The following AADACL3 variants were observed in gnomAD, a reference collection of about 807,000 sequenced individuals.
AADACL3 encodes arylacetamide deacetylase like 3.
In AADACL3, 13 loss-of-function variants were observed where a neutral mutation model predicts 13.6. That is an observed-to-expected ratio of 0.95 (90% CI 0.62 to 1.52). The LOEUF (loss-of-function observed/expected upper bound fraction) is 1.52. Ranked by LOEUF, AADACL3 falls within the 40% of genes most tolerant of loss-of-function variation. AADACL3 has a pLI of 0.00. For missense variants in AADACL3, 519 were observed against 499.2 expected, an observed-to-expected ratio of 1.04 and a Z score of -0.38; for synonymous variants, 195 against 197.0, an observed-to-expected ratio of 0.99 and a Z score of 0.08.
At chr1:12,723,482 A>AT (rs929209188) in intron 3 of AADACL3, among the ~76,000 whole-genome samples, 17 of 151,968 alleles carry the variant, frequency 1.1e-4, no homozygotes, top group African/African-American at 4.1e-4. Context: ...AACTTTATGC[A>AT]TTTTTTTGTT....
In AADACL3 at chr1:12,725,846, A is replaced by C. The variant is rs752797464; in HGVS notation, c.1074A>C (p.Lys358Asn). The change falls in exon 4 of 4, where the codon AAA (lysine) becomes AAC (asparagine). Residue 358 changes from lysine (K) to asparagine (N), a missense_variant. By Grantham distance (94) the Lys-to-Asn change is moderately conservative. Coordinates refer to ENST00000359318, the MANE Select transcript of AADACL3 (RefSeq NM_001103170.3). The stretch of plus-strand genomic sequence containing the variant: ...GGGACAATTCACTGTTGTACAAGAA[A>C]AGGCTGGAAGACCTGGGAGTGCCCG... ...ALRDNSLLYK[K>N]RLEDLGVPVT... The C allele has an allele frequency of 1.2e-6, 2 of 1,614,178 alleles. No homozygotes were observed. The highest frequency in any genetic ancestry group is 1.7e-6 in the Non-Finnish European group (2 of 1,180,022).
chr1:12,725,429 C>T lies in AADACL3; in HGVS notation c.657C>T (p.Ile219=), dbSNP rs776658795. The stretch of plus-strand genomic sequence containing the variant: ...ATCTGCCCCGGATCCGGGCTCAGAT[C>T]CTGATCTATGCCATTCTCCAAGCCC... ...RPDLPRIRAQ[I]LIYAILQALD... is the part of the protein sequence containing the mutation. Residue 219 remains isoleucine, a synonymous_variant, in exon 4 of 4, where the codon ATC becomes ATT. Coordinates refer to ENST00000359318, the MANE Select transcript of AADACL3 (RefSeq NM_001103170.3). 69 of 1,613,868 alleles carry T rather than the reference C, an allele frequency of 4.3e-5. No individual in the cohort carries two copies. The highest frequency in any genetic ancestry group is 5.8e-5 in the Non-Finnish European group (69 of 1,179,956).
At chr1:12,718,654 A>T (rs1648494450) in intron 1 of AADACL3, among the ~76,000 whole-genome samples, 2 of 151,848 alleles carry the variant, frequency 1.3e-5, no homozygotes, top group Non-Finnish European at 2.9e-5. Flanking sequence ...CCACCACCAC[A>T]CCCACCCGGC....
Position 12,716,143 on chromosome 1 carries a change from G to T in AADACL3, c.-34G>T. 6 of 684,748 alleles carry T rather than the reference G, an allele frequency of 8.8e-6. No individual in the cohort carries two copies. The highest frequency in any genetic ancestry group is 1.3e-5 in the Non-Finnish European group (5 of 379,488). 42.4% of individuals were successfully genotyped at this position (684,748 alleles called of 1,614,324 possible). On this transcript the variant is annotated 5_prime_UTR_variant, in exon 1 of 4. Coordinates refer to ENST00000359318, the MANE Select transcript of AADACL3 (RefSeq NM_001103170.3). ...TCCTAAATGGTTTACACTGCGCACA[G>T]CTTCCTCTCAGCCCGCTCTGAGCTG...
chr1:12,717,428 C>A (rs1401661286), intron 1 of AADACL3, among the ~76,000 whole-genome samples: 2 of 152,196 alleles, frequency 1.3e-5, no homozygotes, highest in Non-Finnish European at 2.9e-5. Context: ...CCATGAATAA[C>A]CCTCTCCAGA....
chr1:12,725,278 C>A lies in AADACL3; in HGVS notation c.506C>A (p.Ala169Asp), dbSNP rs1433001973. ...GTGCCAGTAAGAGACTGCTTGGTGG[C>A]CACCATCCACTTCCTGAAGTCCCTG... ...FPVPVRDCLV[A>D]TIHFLKSLDA... is the part of the protein sequence containing the mutation. The change falls in exon 4 of 4, where the codon GCC becomes GAC. Residue 169 changes from alanine to aspartate, a missense_variant. Coordinates refer to ENST00000359318, the MANE Select transcript of AADACL3 (RefSeq NM_001103170.3). The A allele has an allele frequency of 4.3e-6, 7 of 1,613,648 alleles. No homozygotes were observed. The South Asian group carries it at 4.4e-5, about 10-fold the overall frequency.
At chr1:12,724,420 C>A (rs534266377) in intron 3 of AADACL3, among the ~76,000 whole-genome samples, 1 of 152,130 alleles carries the variant, frequency 6.6e-6, no homozygotes, top group Non-Finnish European at 1.5e-5. Flanking sequence ...AGGCTGGAAT[C>A]GTTTTTCTTT....
chr1:12,719,087 G>T (rs1648505785), intron 1 of AADACL3, among the ~76,000 whole-genome samples: 2 of 152,194 alleles, frequency 1.3e-5, no homozygotes, highest in South Asian at 4.1e-4. Context: ...GGCCAGATTG[G>T]CTGGGACGGC....
In AADACL3 at chr1:12,725,942, T is replaced by A; in HGVS notation, c.1170T>A (p.Phe390Leu). The change falls in exon 4 of 4, where the codon TTT becomes TTA. Residue 390 changes from phenylalanine to leucine, a missense_variant. Transcript: ENST00000359318. ...LRTIDMSFLH[F>L]PCSMRILSAL... The stretch of plus-strand genomic sequence containing the variant: ...CCATTGACATGAGCTTCTTGCACTT[T>A]CCCTGCTCCATGAGAATTCTGAGTG... 1 of 1,614,034 alleles carries A rather than the reference T, an allele frequency of 6.2e-7. No individual in the cohort carries two copies. The highest frequency in any genetic ancestry group is 1.1e-5 in the South Asian group (1 of 91,050).
rs1638397454 is a variant in AADACL3 at position 12,727,676 on chromosome 1, C to T, written c.*1680C>T. The T allele has an allele frequency of 6.6e-6, 1 of 152,254 alleles. No individual in the cohort carries two copies. Among genetic ancestry groups the T allele is most frequent in the Non-Finnish European group, 1.5e-5 (1 of 68,054 alleles). 9.4% of individuals were successfully genotyped at this position (152,254 alleles called of 1,614,324 possible). On this transcript the variant is annotated 3_prime_UTR_variant, in exon 4 of 4. Transcript: ENST00000359318. ...AGAGAGGAATCCCATTGGGTGGCTC[C>T]TTGCTGCATTCGCAGTTGACCAGCA...
intron 3 of AADACL3, 86 bp from the exon 4 acceptor site, chr1:12,725,136 G>C (rs2100216277): frequency 1.4e-6 from 2 of 1,379,822 alleles, no homozygotes; most frequent in Non-Finnish European, 2.0e-6. Context: ...GGAAGTGAAT[G>C]GACTAATTTG....
intron 3 of AADACL3, among the ~76,000 whole-genome samples, chr1:12,724,070 C>T (rs561450714): frequency 3.9e-5 from 6 of 152,366 alleles, no homozygotes; most frequent in African/African-American, 9.6e-5. Flanking sequence ...AGGCGTGAGC[C>T]ACTGCACCCG....
chr1:12,717,469 G>A (rs1648463284), intron 1 of AADACL3, among the ~76,000 whole-genome samples: 1 of 152,198 alleles, frequency 6.6e-6, no homozygotes, highest in Non-Finnish European at 1.5e-5. Context: ...CACAGAGGGA[G>A]CCCTCCTTAA....
rs1638367114 is a variant in AADACL3, at chr1:12,726,127, T to C, written c.*131T>C. ...GGGGTAGAGGTTGCTGTCACCTTTC[T>C]GGTCCAGGTTCTAGAACCACACAAT... is the stretch of plus-strand genomic sequence containing the variant. On this transcript the variant is annotated 3_prime_UTR_variant, in exon 4 of 4. Coordinates refer to ENST00000359318, the MANE Select transcript of AADACL3 (RefSeq NM_001103170.3). 5 of 1,025,214 alleles carry C rather than the reference T, an allele frequency of 4.9e-6. No individual in the cohort carries two copies. The highest frequency in any genetic ancestry group is 6.9e-6 in the Non-Finnish European group (5 of 719,550). The allele number at this position is 1,025,214 out of a possible 1,614,324, so 63.5% of individuals were successfully genotyped here. A position where few individuals can be genotyped will look rare whatever the true frequency, so the allele number is the denominator to read the frequency against.
intron 1 of AADACL3, among the ~76,000 whole-genome samples, chr1:12,717,358 G>A (rs35181439): frequency 0.13 from 20,024 of 152,106 alleles, 1,748 homozygotes; most frequent in Non-Finnish European, 0.19. Flanking sequence ...ACAGTGACTC[G>A]ATTTCCTCTT....
intron 2 of AADACL3, 46 bp downstream of exon 2, chr1:12,719,737 T>C (rs1486290677): frequency 6.4e-7 from 1 of 1,552,174 alleles, no homozygotes; most frequent in Non-Finnish European, 8.9e-7. Context: ...TGGCACCCCT[T>C]AACATAACTT....
At chr1:12,723,146 A>G (rs1023055431) in intron 3 of AADACL3, among the ~76,000 whole-genome samples, 1 of 152,176 alleles carries the variant, frequency 6.6e-6, no homozygotes, top group African/African-American at 2.4e-5. Flanking sequence ...TGCTGAGGTT[A>G]TAAGTGTGAG....
rs191985527 is a variant in AADACL3, at chr1:12,726,918, A to T, written c.*922A>T. 1 of 152,310 alleles carries T rather than the reference A, an allele frequency of 6.6e-6. No individual in the cohort carries two copies. Among genetic ancestry groups the T allele is most frequent in the East Asian group, 1.9e-4 (1 of 5,186 alleles). The allele number at this position is 152,310 out of a possible 1,614,324, so 9.4% of individuals were successfully genotyped here. ...TTGGCCTCTATTAGAAAGACAATAG[A>T]TTGGCTTAGGTAGGGATGCATGCTA... is the stretch of plus-strand genomic sequence containing the variant. On this transcript the variant is annotated 3_prime_UTR_variant, in exon 4 of 4. Coordinates refer to ENST00000359318, the MANE Select transcript of AADACL3 (RefSeq NM_001103170.3).
intron 2 of AADACL3, among the ~76,000 whole-genome samples, chr1:12,720,454 T>C (rs1213517230): frequency 6.6e-6 from 1 of 152,160 alleles, no homozygotes; most frequent in East Asian, 1.9e-4. Flanking sequence ...GATGATCTCA[T>C]TCCAACTCCA....
Sources: allele counts gnomAD v4.1 joint callset (sites outside exome capture counted in the v4.1 genomes callset), GRCh38; gene constraint gnomAD v4.1.1; transcripts MANE v1.5; gene names NCBI Gene and HGNC (gene_info 2026-07-23, HGNC 2026-07-21).